Variants in REC114 observed in about 807,000 individuals in gnomAD.
The protein encoded by REC114 is REC114 meiotic recombination protein, also known as meiotic recombination protein REC114.
A neutral mutation model predicts 31.3 loss-of-function variants in REC114; 27 were observed. The ratio of observed to expected loss-of-function variants is 0.86; its 90% CI spans 0.64 to 1.19. The LOEUF is 1.19. Among genes scored for constraint, REC114 ranks in the 50% most tolerant of loss-of-function variants. The pLI, the probability that REC114 is intolerant of heterozygous loss-of-function variation, is 0.00. For missense variants in REC114, 344 were observed against 326.9 expected (o/e 1.05, Z -0.40); for synonymous variants, 134 against 127.7 (o/e 1.05, Z -0.33).
chr15:73,456,861 CA>C (rs2151252952), intron 1 of REC114, among the ~76,000 whole-genome samples: 1 of 152,150 alleles, frequency 6.6e-6, no homozygotes, highest in Admixed American at 6.5e-5. Context: ...TGGAATGTAG[CA>C]ATTCAATTAT....
At chr15:73,460,667 A>G (rs1332395559) in intron 1 of REC114, among the ~76,000 whole-genome samples, 1 of 150,280 alleles carries the variant, frequency 6.7e-6, no homozygotes, top group Non-Finnish European at 1.5e-5. Context: ...GGGAAGTACC[A>G]CTTTCTGGTA....
At chr15:73,544,173 C>A (rs1046326385) in intron 3 of REC114, among the ~76,000 whole-genome samples, 2 of 151,982 alleles carry the variant, frequency 1.3e-5, no homozygotes, top group Admixed American at 6.6e-5. Flanking sequence ...TATTTAATAC[C>A]TTTATCAGGA....
intron 4 of REC114, among the ~76,000 whole-genome samples, chr15:73,551,620 A>G (rs929664112): frequency 1.3e-5 from 2 of 152,192 alleles, no homozygotes; most frequent in Non-Finnish European, 2.9e-5. Context: ...AACTAACGAA[A>G]TAACCCTGCA....
At chr15:73,531,035 T>C (rs1320415290) in intron 2 of REC114, among the ~76,000 whole-genome samples, 1 of 152,188 alleles carries the variant, frequency 6.6e-6, no homozygotes, top group East Asian at 1.9e-4. Context: ...TTTAGAATTG[T>C]CATTTTCATA....
At chr15:73,467,198 ATTAT>A (rs1893073658) in intron 1 of REC114, among the ~76,000 whole-genome samples, 1 of 152,250 alleles carries the variant, frequency 6.6e-6, no homozygotes, top group African/African-American at 2.4e-5. Flanking sequence ...AACTGCAGTA[ATTAT>A]TTGGAACTTA....
At chr15:73,450,564 T>G (rs924534601) in intron 1 of REC114, among the ~76,000 whole-genome samples, 3 of 152,062 alleles carry the variant, frequency 2.0e-5, no homozygotes, top group Non-Finnish European at 2.9e-5. Flanking sequence ...CTGTCAATAT[T>G]AGACAGATCA....
intron 1 of REC114, among the ~76,000 whole-genome samples, chr15:73,467,337 A>T (rs1893076086): frequency 1.3e-5 from 2 of 152,212 alleles, no homozygotes; most frequent in African/African-American, 4.8e-5. Context: ...TTCTCTACAG[A>T]CCAAGCATTG....
chr15:73,481,603 C>T (rs1197411219), intron 2 of REC114, among the ~76,000 whole-genome samples: 1 of 149,936 alleles, frequency 6.7e-6, no homozygotes, highest in Non-Finnish European at 1.5e-5. Context: ...TTTTTTTTCC[C>T]TAATTGTGGT....
At chr15:73,520,618 A>G (rs1893924878) in intron 2 of REC114, among the ~76,000 whole-genome samples, 1 of 152,176 alleles carries the variant, frequency 6.6e-6, no homozygotes, top group African/African-American at 2.4e-5. Flanking sequence ...CTAGCACCCC[A>G]TCACGAACCT....
intron 1 of REC114, among the ~76,000 whole-genome samples, chr15:73,446,876 C>G (rs1892771216): frequency 6.6e-6 from 1 of 152,150 alleles, no homozygotes; most frequent in African/African-American, 2.4e-5. Context: ...TGAAAGATCA[C>G]TCTGGCTGTG....
chr15:73,485,569 A>G (rs1298622511), intron 2 of REC114, among the ~76,000 whole-genome samples: 2 of 152,140 alleles, frequency 1.3e-5, no homozygotes, highest in African/African-American at 4.8e-5. Context: ...TCCTTGAGAT[A>G]TTGAGTGAGT....
chr15:73,474,318 G>A (rs116221626), intron 2 of REC114, among the ~76,000 whole-genome samples: 1,741 of 152,300 alleles, frequency 0.011, 30 homozygotes, highest in African/African-American at 0.04. Context: ...TTAATTGATA[G>A]CGTCCTCTAT....
At chr15:73,460,101 T>C (rs959731612) in intron 1 of REC114, among the ~76,000 whole-genome samples, 9 of 152,354 alleles carry the variant, frequency 5.9e-5, no homozygotes, top group African/African-American at 1.7e-4. Flanking sequence ...AGCATTAGTT[T>C]ATAAATGTTT....
At chr15:73,513,756 C>A (rs1482287509) in intron 2 of REC114, among the ~76,000 whole-genome samples, 2 of 151,430 alleles carry the variant, frequency 1.3e-5, no homozygotes, top group Admixed American at 1.3e-4. Context: ...TTAGGCTGCT[C>A]GGGGGTCAGG....
chr15:73,453,149 A>G (rs1595859087), intron 1 of REC114, among the ~76,000 whole-genome samples: 1 of 152,228 alleles, frequency 6.6e-6, no homozygotes, highest in South Asian at 2.1e-4. Context: ...TAATTAAACT[A>G]AAGAGCTTCT....
intron 5 of REC114, among the ~76,000 whole-genome samples, chr15:73,559,444 T>TATC (rs1319592558): frequency 3.9e-5 from 6 of 152,202 alleles, no homozygotes; most frequent in Admixed American, 2.0e-4. Flanking sequence ...ATCCACAGGT[T>TATC]ATCAGCACAG....
At chr15:73,449,086 T>C (rs1018307788) in intron 1 of REC114, among the ~76,000 whole-genome samples, 3 of 151,980 alleles carry the variant, frequency 2.0e-5, no homozygotes, top group Non-Finnish European at 4.4e-5. Context: ...GAAAACCTCT[T>C]CACCTCCAAA....
At chr15:73,517,025 G>C (rs994587742) in intron 2 of REC114, among the ~76,000 whole-genome samples, 1 of 152,200 alleles carries the variant, frequency 6.6e-6, no homozygotes, top group Non-Finnish European at 1.5e-5. Flanking sequence ...GGTGAGGAGG[G>C]AGTTGAGAGA....
At chr15:73,540,595 CTT>C in intron 3 of REC114, 27 bp downstream of exon 3, 1 of 1,569,742 alleles carries the variant, frequency 6.4e-7, no homozygotes, top group Non-Finnish European at 8.8e-7. Context: ...TGATCACACT[CTT>C]CTCATCTTCT....
Sources: allele counts gnomAD v4.1 joint callset (sites outside exome capture counted in the v4.1 genomes callset), GRCh38; gene constraint gnomAD v4.1.1; transcripts MANE v1.5; gene names NCBI Gene and HGNC (gene_info 2026-07-23, HGNC 2026-07-21).